OR5B2: variants seen among roughly 807,000 people sequenced by gnomAD.
OR5B2 encodes the protein olfactory receptor family 5 subfamily B member 2, also known as olfactory receptor 5B2.
For missense variants in OR5B2, 411 were observed against 367.0 expected (o/e 1.12, Z -0.98); for synonymous variants, 163 against 140.8 (o/e 1.16, Z -1.11).
Position 58,423,212 on chromosome 11 carries a change from C to A in OR5B2, c.50G>T (p.Ser17Ile). 6.2e-7 allele frequency: 1 copy of A among 1,612,762 alleles called. No individual in the cohort carries two copies. Among genetic ancestry groups the A allele is most frequent in the Non-Finnish European group, 8.5e-7 (1 of 1,179,190 alleles). The change falls in exon 3 of 3, where the codon AGT becomes ATT. Residue 17 changes from serine (S) to isoleucine (I), a missense_variant. Physicochemically the swap from Ser to Ile is moderately radical, Grantham distance 142. Transcript: ENST00000641342. ...GAGGGGGATCTGTAGTTCTGGGACA[C>A]TGGTTAGTCCTAGAAGAATGAACTT... Reference protein sequence around the residue: ...VTKFILLGLTSVPELQIPLFI... With the variant: ...VTKFILLGLTIVPELQIPLFI...
At position 58,422,461 on chromosome 11, in the gene OR5B2, G is replaced by T; in HGVS notation, c.801C>A (p.Asp267Glu). Residue 267 changes from aspartate to glutamate, a missense_variant, in exon 3 of 3, where the codon GAC becomes GAA. Asp to Glu is a conservative substitution (Grantham distance 45, BLOSUM62 2). Coordinates refer to ENST00000641342, the MANE Select transcript of OR5B2 (RefSeq NM_001005566.3). ...YLQPSSSHSM[D>E]TDKMASVFYA... The stretch of plus-strand genomic sequence containing the variant: ...AGAACACAGATGCCATTTTGTCTGT[G>T]TCCATGGAGTGGCTGGAGCTGGGCT... The T allele has an allele frequency of 6.2e-7, 1 of 1,613,728 alleles. No individual in the cohort carries two copies. The highest frequency in any genetic ancestry group is 8.5e-7 in the Non-Finnish European group (1 of 1,179,824).
At chr11:58,423,732 C>A (rs1855307611) in intron 2 of OR5B2, among the ~76,000 whole-genome samples, 1 of 152,146 alleles carries the variant, frequency 6.6e-6, no homozygotes, top group Non-Finnish European at 1.5e-5. Context: ...ATTTGTGAGG[C>A]TCACAAGATT....
In OR5B2 at chr11:58,422,952, C is replaced by G; in HGVS notation, c.310G>C (p.Ala104Pro). The change falls in exon 3 of 3, where the codon GCC becomes CCC. Residue 104 changes from alanine (A) to proline (P), a missense_variant. Transcript: ENST00000641342. ...ACAVQMFFFV[A>P]LATVENYLLA... ...AAGTAATTTTCCACCGTGGCCAAGG[C>G]TACAAAGAAGAACATCTGAACAGCA... The G allele has an allele frequency of 6.2e-7, 1 of 1,613,818 alleles. No homozygotes were observed. The highest frequency in any genetic ancestry group is 8.5e-7 in the Non-Finnish European group (1 of 1,179,866).
At chr11:58,425,364 G>GA (rs1590712790) in intron 2 of OR5B2, among the ~76,000 whole-genome samples, 2 of 151,554 alleles carry the variant, frequency 1.3e-5, no homozygotes, top group Admixed American at 6.6e-5. Context: ...TATGTTTTTA[G>GA]AAAAAAAATA....
rs1215320935 is a variant in OR5B2, at chr11:58,425,849, A to ACG, written c.-29+772_-29+773insCG. Among the ~76,000 whole-genome samples, 21 of 151,878 alleles carry ACG rather than the reference A, an allele frequency of 1.4e-4. No homozygotes were observed. The East Asian group carries it at 3.7e-3, about 27-fold the overall frequency. ...TAAGTTTTGATTTTGCTGTGTGTGT[A>ACG]TGTGCGTGTGTACACATGCATGCAG... is the stretch of plus-strand genomic sequence containing the variant. On this transcript the variant is annotated intron_variant, in intron 2 of 2. Coordinates refer to ENST00000641342, the MANE Select transcript of OR5B2 (RefSeq NM_001005566.3).
intron 1 of OR5B2, among the ~76,000 whole-genome samples, 157 bp from the exon 2 acceptor site, chr11:58,426,833 G>A (rs979202865): frequency 6.6e-6 from 1 of 152,144 alleles, no homozygotes; most frequent in Non-Finnish European, 1.5e-5. Flanking sequence ...CAGGGCTGCT[G>A]CTGTGAGGAA....
At chr11:58,425,615 A>T (rs1008281825) in intron 2 of OR5B2, among the ~76,000 whole-genome samples, 1 of 152,086 alleles carries the variant, frequency 6.6e-6, no homozygotes, top group Non-Finnish European at 1.5e-5. Context: ...AAAAGCTCCA[A>T]GTTCTCTATG....
chr11:58,425,264 A>G (rs970966265), intron 2 of OR5B2, among the ~76,000 whole-genome samples: 24 of 152,062 alleles, frequency 1.6e-4, no homozygotes, highest in African/African-American at 5.3e-4. Context: ...AGCATCATCT[A>G]TCTCATTTTT....
Position 58,423,008 on chromosome 11 carries a change from C to T in OR5B2, c.254G>A (p.Arg85Lys), listed in dbSNP as rs141050848. ...ATTGTAGGAGATGACCTTGTCTCCT[C>T]TAAGGAACCCAGCCATGACCTTGGG... ...VTPKVMAGFL[R>K]GDKVISYNAC... Residue 85 changes from arginine (R) to lysine (K), a missense_variant, in exon 3 of 3, where the codon AGA (arginine) becomes AAA (lysine). Physicochemically the swap from Arg to Lys is conservative, Grantham distance 26. Coordinates refer to ENST00000641342, the MANE Select transcript of OR5B2 (RefSeq NM_001005566.3). 105 of 1,613,690 alleles carry T rather than the reference C, an allele frequency of 6.5e-5. 1 individual carries two copies. Among genetic ancestry groups the T allele is most frequent in the South Asian group, 6.3e-4 (57 of 91,074 alleles).
At position 58,422,081 on chromosome 11, in the gene OR5B2, C is replaced by T. The variant is rs1253088080; in HGVS notation, c.*251G>A. On this transcript the variant is annotated 3_prime_UTR_variant, in exon 3 of 3. Coordinates refer to ENST00000641342, the MANE Select transcript of OR5B2 (RefSeq NM_001005566.3). ...ATGCAAGGGGAACAAGTGAGTAAAC[C>T]GAATGTCATTAGTAAGTTTTGACCA... 3.0e-5 allele frequency: 10 copies of T among 328,474 alleles called. No homozygotes were observed. Among genetic ancestry groups the T allele is most frequent in the Non-Finnish European group, 3.3e-5 (6 of 180,216 alleles). 20.3% of individuals were successfully genotyped at this position (328,474 alleles called of 1,614,324 possible).
intron 2 of OR5B2, among the ~76,000 whole-genome samples, chr11:58,423,495 C>A (rs1275557994): frequency 3.3e-5 from 5 of 151,968 alleles, no homozygotes; most frequent in Non-Finnish European, 7.4e-5. Flanking sequence ...TAAATAATAT[C>A]CCAATGTTTC....
At chr11:58,424,221 A>G (rs1461690663) in intron 2 of OR5B2, among the ~76,000 whole-genome samples, 2 of 152,220 alleles carry the variant, frequency 1.3e-5, no homozygotes, top group African/African-American at 4.8e-5. Flanking sequence ...TGTTTAGCAC[A>G]GTCTGATGAG....
At position 58,423,174 on chromosome 11, in the gene OR5B2, T is replaced by C. The variant is rs778167658; in HGVS notation, c.88A>G (p.Thr30Ala). ...ELQIPLFILFTFIYLLTLCGN... is the reference protein window; with the variant it reads ...ELQIPLFILFAFIYLLTLCGN... ...CACAGAGTGAGGAGGTAGATGAAGG[T>C]GAACAAGATAAAGAGGGGGATCTGT... The change falls in exon 3 of 3, where the codon ACC becomes GCC. Residue 30 changes from threonine (T) to alanine (A), a missense_variant. Thr to Ala is a moderately conservative substitution (Grantham distance 58, BLOSUM62 0). Transcript: ENST00000641342. 1.6e-5 allele frequency: 26 copies of C among 1,613,564 alleles called. No homozygotes were observed. The Admixed American group carries it at 4.3e-4, about 27-fold the overall frequency.
chr11:58,427,344 A>T (rs1855349928), intron 1 of OR5B2, among the ~76,000 whole-genome samples: 1 of 152,192 alleles, frequency 6.6e-6, no homozygotes, highest in South Asian at 2.1e-4. Context: ...TTCATCATTA[A>T]CTTTCCTGGC....
chr11:58,426,259 A>T (rs1855336436), intron 2 of OR5B2, among the ~76,000 whole-genome samples: 1 of 151,986 alleles, frequency 6.6e-6, no homozygotes, highest in African/African-American at 2.4e-5. Flanking sequence ...TGTTATACAG[A>T]TTATTTCATC....
rs1183708629 is a variant in OR5B2 at position 58,422,468 on chromosome 11, G to T, written c.794C>A (p.Ser265Tyr). ...FIYLQPSSSHSMDTDKMASVF... is the reference protein window; with the variant it reads ...FIYLQPSSSHYMDTDKMASVF... The stretch of plus-strand genomic sequence containing the variant: ...AGATGCCATTTTGTCTGTGTCCATG[G>T]AGTGGCTGGAGCTGGGCTGCAAGTA... The change falls in exon 3 of 3, where the codon TCC (serine) becomes TAC (tyrosine). Residue 265 changes from serine (S) to tyrosine (Y), a missense_variant. By Grantham distance (144) the Ser-to-Tyr change is moderately radical. Coordinates refer to ENST00000641342, the MANE Select transcript of OR5B2 (RefSeq NM_001005566.3). The T allele has an allele frequency of 6.2e-7, 1 of 1,613,728 alleles. No homozygotes were observed. Among genetic ancestry groups the T allele is most frequent in the African/African-American group, 1.3e-5 (1 of 75,012 alleles).
Position 58,423,253 on chromosome 11 carries a change from AT to A in OR5B2, c.8del (p.Asn3IlefsTer5). On this transcript the variant is annotated frameshift_variant, in exon 3 of 3. Coordinates refer to ENST00000641342, the MANE Select transcript of OR5B2 (RefSeq NM_001005566.3). LOFTEE classifies it low-confidence loss of function (END_TRUNC). ME[N>X]CTEVTKFILL... ...GAATGAACTTTGTCACTTCCGTACA[AT>A]TCTCCATCAGTATTATCTGAGAAAC... is the stretch of plus-strand genomic sequence containing the variant. 1.3e-6 allele frequency: 2 copies of A among 1,583,108 alleles called. No homozygotes were observed. Among genetic ancestry groups the A allele is most frequent in the Non-Finnish European group, 1.7e-6 (2 of 1,160,322 alleles).
At chr11:58,426,767 T>G (rs1377022522) in intron 1 of OR5B2, 91 bp from the exon 2 acceptor site, 3 of 151,986 alleles carry the variant, frequency 2.0e-5, no homozygotes, top group Non-Finnish European at 4.4e-5. Context: ...GGAGGGAGAT[T>G]TAAGGAAAAA....
rs775114590 is a variant in OR5B2 at position 58,423,208 on chromosome 11, G to A, written c.54C>T (p.Val18=). ...TKFILLGLTS[V]PELQIPLFIL... ...TAAAGAGGGGGATCTGTAGTTCTGG[G>A]ACACTGGTTAGTCCTAGAAGAATGA... The change falls in exon 3 of 3, where the codon GTC becomes GTT. Residue 18 remains valine, a synonymous_variant. Coordinates refer to ENST00000641342, the MANE Select transcript of OR5B2 (RefSeq NM_001005566.3). The A allele has an allele frequency of 3.1e-6, 5 of 1,613,276 alleles. No homozygotes were observed. Among genetic ancestry groups the A allele is most frequent in the Non-Finnish European group, 4.2e-6 (5 of 1,179,488 alleles).
Sources: allele counts gnomAD v4.1 joint callset (sites outside exome capture counted in the v4.1 genomes callset), GRCh38; gene constraint gnomAD v4.1.1; transcripts MANE v1.5; gene names NCBI Gene and HGNC (gene_info 2026-07-23, HGNC 2026-07-21).